The following PPP1R12B variants were observed in gnomAD, a reference collection of about 807,000 sequenced individuals.
The protein encoded by PPP1R12B is myosin phosphatase target subunit 2.
Under a neutral mutation model 126.1 loss-of-function variants are expected in PPP1R12B, and 76 were observed. The ratio of observed to expected loss-of-function variants is 0.60; its 90% CI spans 0.50 to 0.73. The LOEUF (loss-of-function observed/expected upper bound fraction) is 0.73. Ranked by LOEUF, PPP1R12B falls within the 30% of genes least tolerant of loss-of-function variation. The pLI is 0.00. For missense variants in PPP1R12B, 1,052 were observed against 1,205.1 expected, an observed-to-expected ratio of 0.87 and a Z score of 1.88; for synonymous variants, 356 against 434.7, an observed-to-expected ratio of 0.82 and a Z score of 2.25.
intron 1 of PPP1R12B, among the ~76,000 whole-genome samples, chr1:202,375,637 C>T (rs907939265): frequency 6.6e-6 from 1 of 152,172 alleles, no homozygotes; most frequent in Non-Finnish European, 1.5e-5. Flanking sequence ...AATCATAGCT[C>T]ACTGTAACTT....
intron 18 of PPP1R12B, among the ~76,000 whole-genome samples, chr1:202,531,245 A>G (rs1683914266): frequency 1.3e-5 from 2 of 152,238 alleles, no homozygotes; most frequent in Admixed American, 6.5e-5. Context: ...AGAATAGTAA[A>G]TGAAGCTGTT....
At chr1:202,490,793 A>G (rs898661165) in intron 14 of PPP1R12B, among the ~76,000 whole-genome samples, 6 of 152,218 alleles carry the variant, frequency 3.9e-5, no homozygotes, top group African/African-American at 1.4e-4. Flanking sequence ...AGCATGTGTC[A>G]GAGTTCCTCC....
At chr1:202,385,744 C>T (rs1221101767) in intron 1 of PPP1R12B, among the ~76,000 whole-genome samples, 1 of 152,022 alleles carries the variant, frequency 6.6e-6, no homozygotes, top group African/African-American at 2.4e-5. Context: ...GTCACATTTT[C>T]CTTTGTCATA....
At chr1:202,357,132 CTGGCCATGATTCAG>C (rs1227297462) in intron 1 of PPP1R12B, among the ~76,000 whole-genome samples, 1 of 152,140 alleles carries the variant, frequency 6.6e-6, no homozygotes, top group Non-Finnish European at 1.5e-5. Context: ...GCCACTGCAT[CTGGCCATGATTCAG>C]ACTTCTGACC....
intron 1 of PPP1R12B, among the ~76,000 whole-genome samples, chr1:202,359,021 A>G (rs1210007893): frequency 6.6e-6 from 1 of 152,240 alleles, no homozygotes; most frequent in Non-Finnish European, 1.5e-5. Flanking sequence ...AGAAGATACA[A>G]AAGTAGAGAG....
At chr1:202,365,139 T>C (rs1483607938) in intron 1 of PPP1R12B, among the ~76,000 whole-genome samples, 2 of 152,240 alleles carry the variant, frequency 1.3e-5, no homozygotes, top group South Asian at 2.1e-4. Flanking sequence ...GTTGAACTCA[T>C]GGTATGTTAA....
chr1:202,409,730 C>T (rs1396516505), intron 1 of PPP1R12B, among the ~76,000 whole-genome samples: 3 of 152,144 alleles, frequency 2.0e-5, no homozygotes, highest in Non-Finnish European at 4.4e-5. Context: ...GTGGTGCTAT[C>T]ATAGCTCACT....
At chr1:202,440,907 T>C (rs1450138142) in intron 11 of PPP1R12B, 119 bp downstream of exon 11, 13 of 762,714 alleles carry the variant, frequency 1.7e-5, no homozygotes, top group Middle Eastern at 2.4e-4. Flanking sequence ...CATTATGAAT[T>C]GTTTATTCCT....
chr1:202,408,237 A>G (rs185463607), intron 1 of PPP1R12B, among the ~76,000 whole-genome samples: 1 of 152,166 alleles, frequency 6.6e-6, no homozygotes, highest in Non-Finnish European at 1.5e-5. Context: ...CAGGGACCTC[A>G]TCAATTAGTA....
At chr1:202,404,793 A>G (rs569271563) in intron 1 of PPP1R12B, among the ~76,000 whole-genome samples, 9 of 152,204 alleles carry the variant, frequency 5.9e-5, no homozygotes, top group South Asian at 2.1e-4. Flanking sequence ...GAGCCACCGC[A>G]CCCAGCCCAA....
chr1:202,494,150 C>T (rs1421930596), intron 15 of PPP1R12B, among the ~76,000 whole-genome samples: 1 of 152,146 alleles, frequency 6.6e-6, no homozygotes, highest in Non-Finnish European at 1.5e-5. Flanking sequence ...CTCCTTCTTG[C>T]TTTGACTCTG....
intron 1 of PPP1R12B, among the ~76,000 whole-genome samples, chr1:202,355,205 G>A (rs886110513): frequency 6.6e-6 from 1 of 152,030 alleles, no homozygotes; most frequent in Non-Finnish European, 1.5e-5. Flanking sequence ...ATGCCTGGCC[G>A]TGTTCCACTA....
chr1:202,519,637 T>C (rs1213686216), intron 18 of PPP1R12B, among the ~76,000 whole-genome samples: 3 of 152,228 alleles, frequency 2.0e-5, no homozygotes, highest in Non-Finnish European at 2.9e-5. Context: ...TATTCTTTCT[T>C]TTCTCATTGT....
chr1:202,567,692 T>A, intron 21 of PPP1R12B, 86 bp from the exon 22 acceptor site: 1 of 1,404,188 alleles, frequency 7.1e-7, no homozygotes. Flanking sequence ...TTTCTAGATG[T>A]CTAGTAGTGA....
intron 14 of PPP1R12B, among the ~76,000 whole-genome samples, chr1:202,489,755 T>C (rs1678621643): frequency 6.6e-6 from 1 of 152,110 alleles, no homozygotes; most frequent in Non-Finnish European, 1.5e-5. Context: ...ATTATGAAAT[T>C]AGATGTGGTG....
chr1:202,504,461 T>C (rs1237000499), intron 18 of PPP1R12B, among the ~76,000 whole-genome samples: 1 of 152,194 alleles, frequency 6.6e-6, no homozygotes, highest in Non-Finnish European at 1.5e-5. Context: ...GTTGTTACTG[T>C]ATATTAAAAT....
rs774278101 is a variant in PPP1R12B at position 202,437,865 on chromosome 1, A to G, written c.1299A>G (p.Glu433=). The part of the protein sequence containing the change: ...LFNKPEEPKD[E]SPSSWRLGLR... ...ACAAGCCAGAAGAGCCCAAAGATGA[A>G]TCTCCTTCTTCATGGAGATTGGGAC... Residue 433 remains glutamate (E), a synonymous_variant, in exon 10 of 24, where the codon GAA becomes GAG. Transcript: ENST00000608999. 2.5e-6 allele frequency: 4 copies of G among 1,613,822 alleles called. No homozygotes were observed. The highest frequency in any genetic ancestry group is 2.7e-5 in the African/African-American group (2 of 74,910).
intron 18 of PPP1R12B, among the ~76,000 whole-genome samples, chr1:202,555,321 T>A (rs1293795306): frequency 4.4e-5 from 2 of 44,990 alleles, no homozygotes; most frequent in African/African-American, 6.8e-5. Context: ...TTTCCTGTTT[T>A]AATGAAAAAA....
chr1:202,501,929 G>A (rs988420569), intron 18 of PPP1R12B: 17 of 985,160 alleles, frequency 1.7e-5, no homozygotes, highest in Non-Finnish European at 4.8e-6. Context: ...CTTCTTGAAG[G>A]ACAACTTAAA....
Sources: gnomAD v4.1 joint callset for allele counts (sites outside exome capture counted in the v4.1 genomes callset) on GRCh38, gnomAD v4.1.1 for gene constraint, MANE v1.5 for transcripts, NCBI Gene and HGNC (gene_info 2026-07-23, HGNC 2026-07-21) for gene names.